Variants in RAET1E observed in about 807,000 individuals in gnomAD.
The protein encoded by RAET1E is retinoic acid early transcript 1E.
Under a neutral mutation model 21.1 loss-of-function variants are expected in RAET1E, and 27 were observed. That is an observed-to-expected ratio of 1.28 (90% CI 0.94 to 1.76). RAET1E has a LOEUF of 1.76. RAET1E is among the 40% of genes most tolerant of loss of function. The pLI is 0.00. For missense variants in RAET1E, 310 were observed against 311.3 expected, an observed-to-expected ratio of 1.00 and a Z score of 0.03; for synonymous variants, 113 against 115.0, an observed-to-expected ratio of 0.98 and a Z score of 0.11.
At position 149,885,001 on chromosome 6, in the gene RAET1E, G is replaced by A. The variant is rs1453861009; in HGVS notation, c.*3497C>T. Among the ~76,000 whole-genome samples the A allele has an allele frequency of 2.6e-5, 4 of 152,176 alleles. No individual in the cohort carries two copies. The East Asian group carries it at 7.7e-4, about 29-fold the overall frequency. On this transcript the variant is annotated 3_prime_UTR_variant, in exon 6 of 6. Coordinates refer to ENST00000357183, the MANE Select transcript of RAET1E (RefSeq NM_001394057.1). ...CTCACAATCCCCTCTCCCACGGTCT[G>A]TGTGGCCCTGCCTCCAGCCTGCTTT...
In RAET1E at chr6:149,890,840, A is replaced by G. The variant is rs1178857537; in HGVS notation, c.62T>C (p.Leu21Pro). Residue 21 changes from leucine (L) to proline (P), a missense_variant, in exon 3 of 6, where the codon CTA becomes CCA. Transcript: ENST00000357183. ...VRLLLFLLLL[L>P]IALEIMVGGH... ...ACCAACCATGATCTCCAAGGCTATT[A>G]GTAGCAACAGCAGAAACAAAAGAAG... The G allele has an allele frequency of 1.9e-6, 3 of 1,613,008 alleles. No homozygotes were observed. The highest frequency in any genetic ancestry group is 2.5e-6 in the Non-Finnish European group (3 of 1,179,024).
At chr6:149,890,170 G>A in intron 3 of RAET1E, 25 bp from the exon 4 acceptor site, 1 of 1,611,930 alleles carries the variant, frequency 6.2e-7, no homozygotes, top group East Asian at 2.2e-5. Flanking sequence ...TGCAGGTGAG[G>A]TCCAGGACAG....
Position 149,884,780 on chromosome 6 carries a change from C to G in RAET1E, c.*3718G>C, listed in dbSNP as rs530081288. 6.6e-6 allele frequency among the ~76,000 whole-genome samples: 1 copy of G among 152,294 alleles called. No homozygotes were observed. Among genetic ancestry groups the G allele is most frequent in the East Asian group, 1.9e-4 (1 of 5,180 alleles). ...ACAGTGGGAAGGCCCACAGCGGGGG[C>G]AAGAGTCTTCCAGCTGTGGGCAAGG... On this transcript the variant is annotated 3_prime_UTR_variant, in exon 6 of 6. Coordinates refer to ENST00000357183, the MANE Select transcript of RAET1E (RefSeq NM_001394057.1).
In RAET1E at chr6:149,884,394, C is replaced by A; in HGVS notation, c.*4104G>T. 1 of 1,174,730 alleles carries A rather than the reference C, an allele frequency of 8.5e-7. No homozygotes were observed. The highest frequency in any genetic ancestry group is 1.3e-5 in the South Asian group (1 of 76,768). The allele number at this position is 1,174,730 out of a possible 1,614,324, so 72.8% of individuals were successfully genotyped here. A position where few individuals can be genotyped will look rare whatever the true frequency, so the allele number is the denominator to read the frequency against. On this transcript the variant is annotated 3_prime_UTR_variant, in exon 6 of 6. Transcript: ENST00000357183. Reference sequence around the variant, plus strand: ...TCTCCGCTCATTGCAGGCTCCGCCTCCACTTGACTCAGGGAACACACAGCA... The same window carrying A: ...TCTCCGCTCATTGCAGGCTCCGCCTACACTTGACTCAGGGAACACACAGCA...
At chr6:149,893,687 C>G (rs1009716945) in intron 2 of RAET1E, among the ~76,000 whole-genome samples, 6 of 152,284 alleles carry the variant, frequency 3.9e-5, no homozygotes, top group African/African-American at 1.4e-4. Context: ...TTTGAATGTA[C>G]TTTATTGCTT....
intron 2 of RAET1E, among the ~76,000 whole-genome samples, chr6:149,892,423 C>T (rs1248523942): frequency 6.6e-6 from 1 of 152,216 alleles, no homozygotes; most frequent in African/African-American, 2.4e-5. Context: ...GATGGTATCT[C>T]ATTGTGGTTT....
chr6:149,893,349 C>T (rs531457357), intron 2 of RAET1E, among the ~76,000 whole-genome samples: 40 of 152,244 alleles, frequency 2.6e-4, no homozygotes, highest in African/African-American at 8.9e-4. Context: ...AATGTTTTTC[C>T]ATTTGTTTAT....
At chr6:149,890,554 C>T (rs1777844348) in intron 3 of RAET1E, among the ~76,000 whole-genome samples, 1 of 152,118 alleles carries the variant, frequency 6.6e-6, no homozygotes, top group Admixed American at 6.5e-5. Context: ...CCTGTGGGGT[C>T]CCAGATGTTC....
chr6:149,888,721 A>G, intron 5 of RAET1E, 54 bp from the exon 6 acceptor site: 1 of 1,544,736 alleles, frequency 6.5e-7, no homozygotes, highest in South Asian at 1.2e-5. Context: ...CATAAAAAAA[A>G]AAAGCATAAA....
intron 2 of RAET1E, among the ~76,000 whole-genome samples, 168 bp from the exon 3 acceptor site, chr6:149,891,202 T>C (rs2115512315): frequency 6.6e-6 from 1 of 152,312 alleles, no homozygotes; most frequent in East Asian, 1.9e-4. Flanking sequence ...AAACCCCCTC[T>C]GGTGTGAGCA....
chr6:149,888,702 G>A (rs747940914), intron 5 of RAET1E, 35 bp from the exon 6 acceptor site: 37 of 1,513,760 alleles, frequency 2.4e-5, no homozygotes, highest in Non-Finnish European at 3.0e-5. Context: ...AAAAGCACAA[G>A]CCCTGTCACA....
At chr6:149,889,189 G>A in intron 5 of RAET1E, 159 bp downstream of exon 5, 1 of 1,442,714 alleles carries the variant, frequency 6.9e-7, no homozygotes, top group Non-Finnish European at 9.0e-7. Flanking sequence ...GGAAAGGGAG[G>A]ATGGTGGGAA....
Position 149,889,567 on chromosome 6 carries a change from C to A in RAET1E, c.403G>T (p.Gly135Cys). ...TTGGTGGCGAACTGCCAGGATGCAC[C>A]AGTGCACCGTTCTGCTTCACGTTGA... ...FCQREAERCT[G>C]ASWQFATNGE... Residue 135 changes from glycine (G) to cysteine (C), a missense_variant, in exon 5 of 6, where the codon GGT becomes TGT. Coordinates refer to ENST00000357183, the MANE Select transcript of RAET1E (RefSeq NM_001394057.1). 2 of 1,614,180 alleles carry A rather than the reference C, an allele frequency of 1.2e-6. No individual in the cohort carries two copies. Among genetic ancestry groups the A allele is most frequent in the Non-Finnish European group, 1.7e-6 (2 of 1,180,028 alleles).
Position 149,884,301 on chromosome 6 carries a change from GA to G in RAET1E, c.*4196del, listed in dbSNP as rs907348308. ...CCCTATCTTTTAAAAAATATGTACT[GA>G]AAAAAAATTTTTTTTTTTTGAGACG... On this transcript the variant is annotated 3_prime_UTR_variant, in exon 6 of 6. Transcript: ENST00000357183. 139 of 548,530 alleles carry G rather than the reference GA, an allele frequency of 2.5e-4. No individual in the cohort carries two copies. Among genetic ancestry groups the G allele is most frequent in the Non-Finnish European group, 4.0e-4 (123 of 311,058 alleles). 34.0% of individuals were successfully genotyped at this position (548,530 alleles called of 1,614,324 possible).
rs748325801 is a variant in RAET1E at position 149,889,603 on chromosome 6, C to A, written c.367G>T (p.Glu123Ter). The A allele has an allele frequency of 1.9e-6, 3 of 1,614,170 alleles. No homozygotes were observed. The highest frequency in any genetic ancestry group is 2.5e-6 in the Non-Finnish European group (3 of 1,180,020). ...TCTGCTTCACGTTGACAAAACATCT[C>A]GACTTGCAGAGTGGAAGGATCTGCA... Reference protein sequence around the residue: ...KTSDPSTLQVEMFCQREAERC... With the variant: ...KTSDPSTLQV The change falls in exon 5 of 6, where the codon GAG becomes TAG. Residue 123 changes from glutamate to a stop codon, truncating the protein, a stop_gained. Coordinates refer to ENST00000357183, the MANE Select transcript of RAET1E (RefSeq NM_001394057.1). LOFTEE classifies it high-confidence loss of function.
chr6:149,890,601 T>C (rs541755009), intron 3 of RAET1E, among the ~76,000 whole-genome samples: 1 of 152,236 alleles, frequency 6.6e-6, no homozygotes, highest in Admixed American at 6.5e-5. Context: ...GGGGGTAGCA[T>C]TGTAGAACTG....
chr6:149,889,766 G>A, intron 4 of RAET1E, 119 bp downstream of exon 4: 1 of 1,479,602 alleles, frequency 6.8e-7, no homozygotes, highest in South Asian at 1.3e-5. Context: ...GGTCCCATGT[G>A]CCTCTATGGT....
At position 149,889,792 on chromosome 6, in the gene RAET1E, TAC is replaced by T. The variant is rs1196719476; in HGVS notation, c.346+91_346+92del. 7.7e-5 allele frequency: 117 copies of T among 1,515,876 alleles called. No individual in the cohort carries two copies. In the East Asian group the frequency reaches 2.6e-3, roughly 33 times the overall value. The allele number at this position is 1,515,876 out of a possible 1,614,324, so 93.9% of individuals were successfully genotyped here. ...CCTCTATGGTTGGGCCAATGATCAA[TAC>T]ACAGATATACCTAAAGCCCCTCCCC... is the stretch of plus-strand genomic sequence containing the variant. On this transcript the variant is annotated intron_variant, in intron 4 of 5. Coordinates refer to ENST00000357183, the MANE Select transcript of RAET1E (RefSeq NM_001394057.1).
intron 2 of RAET1E, among the ~76,000 whole-genome samples, chr6:149,894,133 A>T (rs994741035): frequency 6.7e-6 from 1 of 148,668 alleles, no homozygotes; most frequent in Non-Finnish European, 1.5e-5. Flanking sequence ...TTCATTAGGG[A>T]TATTGGCCTG....
Sources: allele counts gnomAD v4.1 joint callset (sites outside exome capture counted in the v4.1 genomes callset), GRCh38; gene constraint gnomAD v4.1.1; transcripts MANE v1.5; gene names NCBI Gene and HGNC (gene_info 2026-07-23, HGNC 2026-07-21).